The following NCOA2 variants were observed in gnomAD, a reference collection of about 807,000 sequenced individuals.
The protein encoded by NCOA2 is nuclear receptor coactivator 2.
Under a neutral mutation model 145.1 loss-of-function variants are expected in NCOA2, and 21 were observed. That is an observed-to-expected ratio of 0.14 (90% confidence interval 0.10 to 0.21). The LOEUF (loss-of-function observed/expected upper bound fraction) is 0.21. NCOA2 is among the 10% of genes least tolerant of loss of function. The pLI is 1.00. For missense variants in NCOA2, 1,472 were observed against 1,837.6 expected (o/e 0.80, Z 3.64); for synonymous variants, 619 against 637.5 (o/e 0.97, Z 0.44).
chr8:70,156,678 G>T lies in NCOA2; in HGVS notation c.1687C>A (p.Gln563Lys). The T allele has an allele frequency of 5.0e-6, 8 of 1,613,890 alleles. No homozygotes were observed. Among genetic ancestry groups the T allele is most frequent in the Non-Finnish European group, 6.8e-6 (8 of 1,179,870 alleles). ...ASPDLKMGNL[Q>K]NSPVNMNPPP... ...GGATTCATATTAACTGGGGAGTTTT[G>T]CAAATTGCCCATTTTTAGGTCTGGT... Residue 563 changes from glutamine (Q) to lysine (K), a missense_variant, in exon 11 of 23, where the codon CAA (glutamine) becomes AAA (lysine). Around this residue, in one of 4 missense-constraint regions of NCOA2, gnomAD observed 953 missense variants for 1,062.1 expected, o/e 0.90. Coordinates refer to ENST00000452400, the MANE Select transcript of NCOA2 (RefSeq NM_006540.4).
At chr8:70,436,762 A>G in the NCOA2 span, among the ~76,000 whole-genome samples, 2 of 152,266 alleles carry the variant, frequency 1.3e-5, no homozygotes, top group Non-Finnish European at 2.9e-5. Flanking sequence ...TACAAAGGTG[A>G]ATAAACTCAC....
In NCOA2 at chr8:70,387,046, G is replaced by T. The variant is rs147605703; in HGVS notation, c.-77+16654C>A. 4.3e-3 allele frequency among the ~76,000 whole-genome samples: 656 copies of T among 152,234 alleles called. 5 individuals carry two copies. The highest frequency in any genetic ancestry group is 0.015 in the African/African-American group (627 of 41,550). On this transcript the variant is annotated intron_variant, in intron 1 of 22. Coordinates refer to ENST00000452400, the MANE Select transcript of NCOA2 (RefSeq NM_006540.4). Reference sequence around the variant, plus strand: ...CCACCTCAGCCTCCCAAGTAGCTGGGTTAATTTTTCTTTTATTTTTGGTAG... The same window carrying T: ...CCACCTCAGCCTCCCAAGTAGCTGGTTTAATTTTTCTTTTATTTTTGGTAG...
intron 2 of NCOA2, among the ~76,000 whole-genome samples, chr8:70,219,034 A>ATT (rs1819904375): frequency 6.6e-6 from 1 of 152,172 alleles, no homozygotes; most frequent in South Asian, 2.1e-4. Flanking sequence ...ATGATTTAAC[A>ATT]TTATATATAT....
At chr8:70,300,460 T>C (rs1827403216) in intron 1 of NCOA2, among the ~76,000 whole-genome samples, 1 of 152,210 alleles carries the variant, frequency 6.6e-6, no homozygotes, top group Admixed American at 6.5e-5. Context: ...TCTAGCTGCA[T>C]ATGGTGGTGT....
chr8:70,160,722 C>T (rs900757628), intron 9 of NCOA2, among the ~76,000 whole-genome samples: 6 of 134,562 alleles, frequency 4.5e-5, no homozygotes, highest in African/African-American at 1.7e-4. Context: ...AATGTGGATT[C>T]TAATTTCTTC....
rs114929384 is a variant in NCOA2, at chr8:70,385,853, C to A, written c.-77+17847G>T. The stretch of plus-strand genomic sequence containing the variant: ...GGAAAAAAAAAACTAATCATAGTAT[C>A]TTGAAATATTTTACTTTCATTTTAT... On this transcript the variant is annotated intron_variant, in intron 1 of 22. Coordinates refer to ENST00000452400, the MANE Select transcript of NCOA2 (RefSeq NM_006540.4). Among the ~76,000 whole-genome samples, 1,416 of 152,304 alleles carry A rather than the reference C, an allele frequency of 9.3e-3. 22 individuals carry two copies. The highest frequency in any genetic ancestry group is 0.032 in the African/African-American group (1,320 of 41,568).
chr8:70,246,395 G>T (rs1279689151), intron 2 of NCOA2, among the ~76,000 whole-genome samples: 3 of 152,124 alleles, frequency 2.0e-5, no homozygotes, highest in African/African-American at 7.2e-5. Context: ...CAAGTGCAAT[G>T]TGCAAAGTGA....
chr8:70,195,833 C>T (rs552574246), intron 4 of NCOA2, among the ~76,000 whole-genome samples: 8 of 152,322 alleles, frequency 5.3e-5, no homozygotes, highest in Non-Finnish European at 8.8e-5. Flanking sequence ...TTTAAGAGAC[C>T]AATTCATTCC....
intron 20 of NCOA2, 75 bp downstream of exon 20, chr8:70,124,613 G>A: frequency 7.2e-7 from 1 of 1,398,556 alleles, no homozygotes; most frequent in Non-Finnish European, 9.6e-7. Flanking sequence ...AGCTCCTCGG[G>A]TGCAGGCATG....
chr8:70,172,428 T>C (rs1781575857), intron 5 of NCOA2, among the ~76,000 whole-genome samples: 1 of 152,248 alleles, frequency 6.6e-6, no homozygotes, highest in African/African-American at 2.4e-5. Flanking sequence ...TCTTTAATTC[T>C]ATTTTAATCA....
chr8:70,160,444 A>G (rs1179988402), intron 9 of NCOA2, among the ~76,000 whole-genome samples: 1 of 152,194 alleles, frequency 6.6e-6, no homozygotes, highest in African/African-American at 2.4e-5. Context: ...TTTTAAAGCT[A>G]CTATGTTTTA....
chr8:70,424,450 A>G, the NCOA2 span: 4 of 496,558 alleles, frequency 8.1e-6, no homozygotes, highest in South Asian at 6.2e-5. Context: ...TCTCAATACC[A>G]CATGAGCATA....
chr8:70,291,256 T>C (rs896169520), intron 2 of NCOA2, among the ~76,000 whole-genome samples: 12 of 152,322 alleles, frequency 7.9e-5, no homozygotes, highest in African/African-American at 2.2e-4. Flanking sequence ...GCTGAGAAAT[T>C]ATGGCCCACC....
chr8:70,145,911 A>C (rs1042100083), intron 12 of NCOA2, among the ~76,000 whole-genome samples: 5 of 152,098 alleles, frequency 3.3e-5, no homozygotes, highest in African/African-American at 1.2e-4. Flanking sequence ...GATTACAGGC[A>C]TGAGCCACCG....
chr8:70,423,774 T>C, the NCOA2 span, among the ~76,000 whole-genome samples: 1 of 152,012 alleles, frequency 6.6e-6, no homozygotes, highest in African/African-American at 2.4e-5. Flanking sequence ...AAAAGTGGGG[T>C]ACCAGGGTAA....
At chr8:70,332,139 G>A (rs1311632029) in intron 1 of NCOA2, among the ~76,000 whole-genome samples, 2 of 152,122 alleles carry the variant, frequency 1.3e-5, no homozygotes, top group Non-Finnish European at 2.9e-5. Flanking sequence ...AAGTGGTTGG[G>A]GAAGAAGCCA....
intron 18 of NCOA2, among the ~76,000 whole-genome samples, chr8:70,128,006 G>A (rs993781085): frequency 1.3e-5 from 2 of 152,206 alleles, no homozygotes; most frequent in Non-Finnish European, 2.9e-5. Context: ...GTGCCTTCTG[G>A]AGAAAACAGG....
chr8:70,402,688 C>A (rs1814424894), intron 1 of NCOA2: 1 of 152,092 alleles, frequency 6.6e-6, no homozygotes, highest in Admixed American at 6.5e-5. Context: ...GCCTGGGGCC[C>A]CGAGGGCCTG....
At chr8:70,273,810 T>C (rs1294346405) in intron 2 of NCOA2, 5 of 573,684 alleles carry the variant, frequency 8.7e-6, no homozygotes, top group Non-Finnish European at 1.7e-5. Flanking sequence ...TGTGGAGAAT[T>C]TGGATGAGGC....
Sources: gnomAD v4.1 joint callset for allele counts (sites outside exome capture counted in the v4.1 genomes callset) on GRCh38, gnomAD v4.1.1 for gene constraint, gnomAD v4.1.1 regional missense constraint, MANE v1.5 for transcripts, NCBI Gene and HGNC (gene_info 2026-07-23, HGNC 2026-07-21) for gene names.